The following ZNF230 variants were observed in gnomAD, a reference collection of about 807,000 sequenced individuals.
The protein encoded by ZNF230 is zinc finger protein 230, also known as zinc finger protein FDZF2.
In ZNF230, 12 loss-of-function variants were observed where a neutral mutation model predicts 10.0. The ratio of observed to expected loss-of-function variants is 1.20; its 90% confidence interval spans 0.77 to 1.95. The LOEUF is 1.95. Ranked by LOEUF, ZNF230 falls within the 30% of genes most tolerant of loss-of-function variation. The pLI is 0.00. For synonymous variants in ZNF230, 174 were observed against 193.6 expected, an observed-to-expected ratio of 0.90 and a Z score of 0.84; for missense variants, 532 against 565.8, an observed-to-expected ratio of 0.94 and a Z score of 0.61.
chr19:44,010,992 C>G lies in ZNF230; in HGVS notation c.953C>G (p.Thr318Ser). 1 of 1,614,162 alleles carries G rather than the reference C, an allele frequency of 6.2e-7. No homozygotes were observed. The highest frequency in any genetic ancestry group is 8.5e-7 in the Non-Finnish European group (1 of 1,180,020). Residue 318 changes from threonine (T) to serine (S), a missense_variant, in exon 5 of 5, where the codon ACT becomes AGT. By Grantham distance (58) the Thr-to-Ser change is moderately conservative (BLOSUM62 1). Transcript: ENST00000429154. Reference sequence around the variant, plus strand: ...TCTGAGGAGTGTGGAAAAGGCTTCACTGATAGCCTAGATTTGCATAAGCAT... The same window carrying G: ...TCTGAGGAGTGTGGAAAAGGCTTCAGTGATAGCCTAGATTTGCATAAGCAT... Reference protein sequence around the residue: ...YKSEECGKGFTDSLDLHKHQI... With the variant: ...YKSEECGKGFSDSLDLHKHQI...
At position 44,011,942 on chromosome 19, in the gene ZNF230, G is replaced by T; in HGVS notation, c.*478G>T. On this transcript the variant is annotated 3_prime_UTR_variant, in exon 5 of 5. Coordinates refer to ENST00000429154, the MANE Select transcript of ZNF230 (RefSeq NM_006300.4). ...TTTTATGCCCAAAGAGTATTCTATT[G>T]TGTATATATGCCACCTTTTCTTCAT... The T allele has an allele frequency of 5.4e-6, 1 of 185,664 alleles. No homozygotes were observed. 11.5% of individuals were successfully genotyped at this position (185,664 alleles called of 1,614,324 possible). A position where few individuals can be genotyped will look rare whatever the true frequency, so the allele number is the denominator to read the frequency against.
At chr19:44,009,309 T>G (rs555652757) in intron 4 of ZNF230, 139 bp downstream of exon 4, 1 of 964,544 alleles carries the variant, frequency 1.0e-6, no homozygotes, top group Admixed American at 2.5e-5. Flanking sequence ...TTCTGGCTGG[T>G]GGTCCTGTTC....
chr19:44,013,687 TTG>T lies in ZNF230; in HGVS notation c.*2229_*2230del, dbSNP rs1308066027. On this transcript the variant is annotated 3_prime_UTR_variant, in exon 5 of 5. Coordinates refer to ENST00000429154, the MANE Select transcript of ZNF230 (RefSeq NM_006300.4). ...ACCTTCATAACATAATCAAATATCT[TTG>T]TGTGTTTCTGGGACTTTTTAATGTG... The T allele has an allele frequency of 6.6e-6, 1 of 152,202 alleles. No individual in the cohort carries two copies. The highest frequency in any genetic ancestry group is 1.5e-5 in the Non-Finnish European group (1 of 68,024). 9.4% of individuals were successfully genotyped at this position (152,202 alleles called of 1,614,324 possible). A position where few individuals can be genotyped will look rare whatever the true frequency, so the allele number is the denominator to read the frequency against.
intron 1 of ZNF230, chr19:44,004,745 A>G (rs1050402907): frequency 2.0e-5 from 3 of 150,512 alleles, no homozygotes; most frequent in Non-Finnish European, 4.4e-5. Flanking sequence ...AAAAAAAAAA[A>G]GAATAAACTA....
chr19:44,004,996 A>G lies in ZNF230; in HGVS notation c.-69+1889A>G, dbSNP rs377030197. Among the ~76,000 whole-genome samples the G allele has an allele frequency of 2.0e-5, 3 of 149,590 alleles. No individual in the cohort carries two copies. The East Asian group carries it at 6.0e-4, about 30-fold the overall frequency. On this transcript the variant is annotated intron_variant, in intron 1 of 4. Transcript: ENST00000429154. ...AAATTAGCTGGGCATGGTGGCAGGC[A>G]GTTGTGGTCCCAGCTACTCCAGAGG... is the stretch of plus-strand genomic sequence containing the variant.
Position 44,010,959 on chromosome 19 carries a change from T to G in ZNF230, c.920T>G (p.Leu307Arg), listed in dbSNP as rs1425664988. The G allele has an allele frequency of 6.2e-7, 1 of 1,614,198 alleles. No homozygotes were observed. The highest frequency in any genetic ancestry group is 8.5e-7 in the Non-Finnish European group (1 of 1,180,028). ...TGCATGGTCCACACAGCAGAGAAAC[T>G]GTACAAATCTGAGGAGTGTGGAAAA... ...RHCMVHTAEK[L>R]YKSEECGKGF... The change falls in exon 5 of 5, where the codon CTG becomes CGG. Residue 307 changes from leucine (L) to arginine (R), a missense_variant. Transcript: ENST00000429154.
rs1246964171 is a variant in ZNF230, at chr19:44,012,474, C to T, written c.*1010C>T. ...TCACCATAGCTCAGCATTCTCCCATCATCCTAGGACCATCGTAGTAGAGAA... is the reference window on the plus strand; with the variant it reads ...TCACCATAGCTCAGCATTCTCCCATTATCCTAGGACCATCGTAGTAGAGAA... On this transcript the variant is annotated 3_prime_UTR_variant, in exon 5 of 5. Coordinates refer to ENST00000429154, the MANE Select transcript of ZNF230 (RefSeq NM_006300.4). 2 of 518,858 alleles carry T rather than the reference C, an allele frequency of 3.9e-6. No individual in the cohort carries two copies. The highest frequency in any genetic ancestry group is 7.7e-6 in the Non-Finnish European group (2 of 259,852). 32.1% of individuals were successfully genotyped at this position (518,858 alleles called of 1,614,324 possible). A position where few individuals can be genotyped will look rare whatever the true frequency, so the allele number is the denominator to read the frequency against.
In ZNF230 at chr19:44,011,507, G is replaced by A. The variant is rs1976183670; in HGVS notation, c.*43G>A. The A allele has an allele frequency of 2.0e-6, 3 of 1,476,268 alleles. No homozygotes were observed. Among genetic ancestry groups the A allele is most frequent in the East Asian group, 2.5e-5 (1 of 40,296 alleles). The allele number at this position is 1,476,268 out of a possible 1,614,324, so 91.4% of individuals were successfully genotyped here. A position where few individuals can be genotyped will look rare whatever the true frequency, so the allele number is the denominator to read the frequency against. ...GATATGGTATGAAATTTTAATATGT[G>A]TATATAATACGTAATGATCAAATTG... On this transcript the variant is annotated 3_prime_UTR_variant, in exon 5 of 5. Coordinates refer to ENST00000429154, the MANE Select transcript of ZNF230 (RefSeq NM_006300.4).
chr19:44,006,876 A>C (rs1356579759), intron 1 of ZNF230, 135 bp from the exon 2 acceptor site: 2 of 434,990 alleles, frequency 4.6e-6, no homozygotes, highest in Non-Finnish European at 8.4e-6. Flanking sequence ...AGAGGAAGGC[A>C]TTTTGGTTGT....
In ZNF230 at chr19:44,013,726, T is replaced by C. The variant is rs961124581; in HGVS notation, c.*2262T>C. 2 of 152,218 alleles carry C rather than the reference T, an allele frequency of 1.3e-5. No homozygotes were observed. Among genetic ancestry groups the C allele is most frequent in the African/African-American group, 4.8e-5 (2 of 41,460 alleles). The allele number at this position is 152,218 out of a possible 1,614,324, so 9.4% of individuals were successfully genotyped here. On this transcript the variant is annotated 3_prime_UTR_variant, in exon 5 of 5. Coordinates refer to ENST00000429154, the MANE Select transcript of ZNF230 (RefSeq NM_006300.4). ...GACTTTTTAATGTGTATATACGTAA[T>C]TTGTGAACAACTATTCTTTCCTCTG...
chr19:44,008,971 T>A (rs529495033), intron 3 of ZNF230, 55 bp downstream of exon 3: 25 of 1,606,846 alleles, frequency 1.6e-5, no homozygotes, highest in Non-Finnish European at 2.0e-5. Context: ...TGGCTTTGTA[T>A]CCTAGAGTAT....
At chr19:44,010,134 C>A (rs2147426083) in intron 4 of ZNF230, 135 bp from the exon 5 acceptor site, 2 of 859,730 alleles carry the variant, frequency 2.3e-6, no homozygotes, top group East Asian at 2.7e-5. Flanking sequence ...ACATACAAAC[C>A]AGAAAACAAG....
Position 44,010,958 on chromosome 19 carries a change from C to G in ZNF230, c.919C>G (p.Leu307Val). 1 of 1,614,196 alleles carries G rather than the reference C, an allele frequency of 6.2e-7. No individual in the cohort carries two copies. The highest frequency in any genetic ancestry group is 8.5e-7 in the Non-Finnish European group (1 of 1,180,028). ...TTGCATGGTCCACACAGCAGAGAAA[C>G]TGTACAAATCTGAGGAGTGTGGAAA... Reference protein sequence around the residue: ...RHCMVHTAEKLYKSEECGKGF... With the variant: ...RHCMVHTAEKVYKSEECGKGF... The change falls in exon 5 of 5, where the codon CTG becomes GTG. Residue 307 changes from leucine to valine, a missense_variant. Leu to Val is a conservative substitution (Grantham distance 32). Transcript: ENST00000429154.
intron 1 of ZNF230, chr19:44,006,711 T>G (rs1976127442): frequency 5.8e-6 from 1 of 173,234 alleles, no homozygotes; most frequent in Admixed American, 6.2e-5. Context: ...ATAAATGGAA[T>G]CATCTAATCC....
At chr19:44,004,918 C>A (rs1268780413) in intron 1 of ZNF230, among the ~76,000 whole-genome samples, 1 of 151,314 alleles carries the variant, frequency 6.6e-6, no homozygotes, top group Admixed American at 6.6e-5. Context: ...GAGATCGAGA[C>A]CATCCTGGCC....
rs1325631574 is a variant in ZNF230 at position 44,008,904 on chromosome 19, C to T, written c.130C>T (p.Leu44=). The T allele has an allele frequency of 1.2e-6, 2 of 1,613,846 alleles. No individual in the cohort carries two copies. Among genetic ancestry groups the T allele is most frequent in the African/African-American group, 2.7e-5 (2 of 74,914 alleles). ...QDVMLENFTN[L]LSVGHQPFHP... is the part of the protein sequence containing the mutation. ...CGTGATGCTTGAGAACTTCACGAAC[C>T]TGCTGTCAGTGGGTGAGCACAGGCA... Residue 44 remains leucine (L), a synonymous_variant, in exon 3 of 5, where the codon CTG becomes TTG. Transcript: ENST00000429154.
chr19:44,005,975 G>A (rs1976119168), intron 1 of ZNF230, among the ~76,000 whole-genome samples: 1 of 151,908 alleles, frequency 6.6e-6, no homozygotes, highest in Non-Finnish European at 1.5e-5. Context: ...TTTATGCATT[G>A]TCTTTAGTTG....
chr19:44,006,273 C>A (rs535221243), intron 1 of ZNF230, among the ~76,000 whole-genome samples: 3 of 152,056 alleles, frequency 2.0e-5, no homozygotes, highest in Non-Finnish European at 4.4e-5. Context: ...CAGATTTGTC[C>A]GCTGTAAAGT....
chr19:44,009,188 G>T lies in ZNF230; in HGVS notation c.229+18G>T, dbSNP rs770312189. ...AAATTCAGGTAAGAAGCAAGCAACTGTGTGTCCTTGTACATGACTTTCTTT... is the reference window on the plus strand; with the variant it reads ...AAATTCAGGTAAGAAGCAAGCAACTTTGTGTCCTTGTACATGACTTTCTTT... On this transcript the variant is annotated intron_variant, in intron 4 of 4. Transcript: ENST00000429154. 1.1e-4 allele frequency: 181 copies of T among 1,611,580 alleles called. No individual in the cohort carries two copies. Among genetic ancestry groups the T allele is most frequent in the Non-Finnish European group, 1.1e-4 (132 of 1,177,924 alleles).
Sources: allele counts gnomAD v4.1 joint callset (sites outside exome capture counted in the v4.1 genomes callset), GRCh38; gene constraint gnomAD v4.1.1; transcripts MANE v1.5; gene names NCBI Gene and HGNC (gene_info 2026-07-23, HGNC 2026-07-21).